Variants in STK33 observed in about 807,000 individuals in gnomAD.
STK33 encodes the protein serine/threonine kinase 33, also known as serine/threonine-protein kinase 33.
In STK33, 52 loss-of-function variants were observed where a neutral mutation model predicts 58.0. That is an observed-to-expected ratio of 0.90 (90% CI 0.72 to 1.13). The LOEUF is 1.13. STK33 is among the 50% of genes most tolerant of loss of function. The pLI, the probability that STK33 is intolerant of heterozygous loss-of-function variation, is 0.00. For synonymous variants in STK33, 215 were observed against 200.1 expected (o/e 1.07, Z -0.63); for missense variants, 630 against 604.2 (o/e 1.04, Z -0.45).
At chr11:8,523,399 C>T (rs957283013) in intron 1 of STK33, among the ~76,000 whole-genome samples, 3 of 151,852 alleles carry the variant, frequency 2.0e-5, no homozygotes, top group African/African-American at 4.8e-5. Flanking sequence ...CGCCTCTGCC[C>T]AGCCGCAACC....
At chr11:8,415,878 A>G (rs985796606) in intron 14 of STK33, among the ~76,000 whole-genome samples, 8 of 152,118 alleles carry the variant, frequency 5.3e-5, no homozygotes, top group Non-Finnish European at 8.8e-5. Flanking sequence ...CTTAAACAGC[A>G]TTAGTCCCCC....
chr11:8,392,602 T>C lies in STK33; in HGVS notation c.1453A>G (p.Met485Val), dbSNP rs767237145. Residue 485 changes from methionine to valine, a missense_variant, in exon 16 of 16, where the codon ATG (methionine) becomes GTG (valine). Met to Val is a conservative substitution (Grantham distance 21, BLOSUM62 1). Coordinates refer to ENST00000687296, the MANE Select transcript of STK33 (RefSeq NM_001352389.2). ...KLLPAEIKGE[M>V]EKTPVTPSQG... ...CTTGGAGTCACAGGGGTTTTCTCCA[T>C]TTCTCCCTTGATTTCAGCTGGAAGG... The C allele has an allele frequency of 1.2e-6, 2 of 1,614,108 alleles. No homozygotes were observed. Among genetic ancestry groups the C allele is most frequent in the East Asian group, 2.2e-5 (1 of 44,902 alleles).
chr11:8,464,452 TA>T (rs1425285230), intron 7 of STK33, among the ~76,000 whole-genome samples: 1 of 152,204 alleles, frequency 6.6e-6, no homozygotes, highest in Non-Finnish European at 1.5e-5. Context: ...CAAACTCTGG[TA>T]AAATTTACCT....
rs146788246 is a variant in STK33, at chr11:8,421,820, C to A, written c.1147-8128G>T. On this transcript the variant is annotated intron_variant, in intron 14 of 15. Transcript: ENST00000687296. Reference sequence around the variant, plus strand: ...TGTTTATTACTAGATGTTTTATATTCTTTGCTACTATTTTACATGATGTCT... The same window carrying A: ...TGTTTATTACTAGATGTTTTATATTATTTGCTACTATTTTACATGATGTCT... Among the ~76,000 whole-genome samples the A allele has an allele frequency of 3.8e-4, 58 of 152,022 alleles. 3 individuals are homozygous for A. The East Asian group carries it at 0.011, about 28-fold the overall frequency.
chr11:8,447,517 C>A (rs1386533695), intron 11 of STK33, among the ~76,000 whole-genome samples: 2 of 152,168 alleles, frequency 1.3e-5, no homozygotes, highest in Non-Finnish European at 2.9e-5. Context: ...AGCATATAAA[C>A]AGAACCAACG....
chr11:8,500,660 C>T (rs1307781624), intron 1 of STK33, among the ~76,000 whole-genome samples: 1 of 152,082 alleles, frequency 6.6e-6, no homozygotes, highest in Non-Finnish European at 1.5e-5. Context: ...TTCCATCTAC[C>T]TATTTGTAGA....
At chr11:8,552,727 T>A (rs1956387517) in intron 1 of STK33, among the ~76,000 whole-genome samples, 1 of 152,100 alleles carries the variant, frequency 6.6e-6, no homozygotes, top group African/African-American at 2.4e-5. Context: ...TCAGGGGCAA[T>A]AACAAGCACG....
chr11:8,490,670 G>A (rs1253854704), intron 1 of STK33, among the ~76,000 whole-genome samples: 1 of 152,116 alleles, frequency 6.6e-6, no homozygotes, highest in Admixed American at 6.6e-5. Context: ...CCAGTAGGGG[G>A]CTGATTGACA....
chr11:8,455,607 G>C (rs968913761), intron 9 of STK33, among the ~76,000 whole-genome samples: 4 of 151,872 alleles, frequency 2.6e-5, no homozygotes, highest in Non-Finnish European at 5.9e-5. Flanking sequence ...AGGAGATCAA[G>C]ACCATCCTGG....
At chr11:8,418,851 T>C (rs1446462972) in intron 14 of STK33, among the ~76,000 whole-genome samples, 1 of 152,182 alleles carries the variant, frequency 6.6e-6, no homozygotes, top group Admixed American at 6.5e-5. Context: ...TCAGTGATCT[T>C]GAGCTTTTTT....
chr11:8,539,457 A>C (rs1955329782), intron 1 of STK33, among the ~76,000 whole-genome samples: 1 of 152,162 alleles, frequency 6.6e-6, no homozygotes, highest in Admixed American at 6.5e-5. Context: ...GGCCAATATG[A>C]AGATGAAATA....
intron 9 of STK33, among the ~76,000 whole-genome samples, chr11:8,456,172 T>C (rs1270878233): frequency 6.6e-6 from 1 of 152,222 alleles, no homozygotes; most frequent in Non-Finnish European, 1.5e-5. Context: ...TATAGCTTAA[T>C]AGGGAAGGAC....
intron 1 of STK33, among the ~76,000 whole-genome samples, chr11:8,553,203 A>ATATATATATATATATATGGTG (rs1956467057): frequency 5.5e-5 from 4 of 72,928 alleles, no homozygotes; most frequent in Admixed American, 1.5e-4. Flanking sequence ...TATATGGTGT[A>ATATATATATATATATATGGTG]TATATATATA....
At chr11:8,457,629 AC>A (rs202080526) in intron 8 of STK33, 150 bp from the exon 9 acceptor site, 7,298 of 658,278 alleles carry the variant, frequency 0.011, 75 homozygotes, top group Admixed American at 0.012. Flanking sequence ...CATACTGGAT[AC>A]TAGAGAAACA....
At chr11:8,571,035 A>G (rs1565390780) in intron 1 of STK33, among the ~76,000 whole-genome samples, 1 of 152,124 alleles carries the variant, frequency 6.6e-6, no homozygotes, top group Non-Finnish European at 1.5e-5. Context: ...AAGACACAGC[A>G]CTGTAATACC....
In STK33 at chr11:8,464,702, GCCTTA is replaced by G; in HGVS notation, c.453+2_453+6del. 6.2e-7 allele frequency: 1 copy of G among 1,602,468 alleles called. No homozygotes were observed. The highest frequency in any genetic ancestry group is 8.5e-7 in the Non-Finnish European group (1 of 1,169,822). On this transcript the variant is annotated splice_donor_variant and splice_donor_5th_base_variant and intron_variant, in intron 7 of 15. Transcript: ENST00000687296. LOFTEE classifies it high-confidence loss of function. ...GCCCTCAGTAGGATGCTGCTAATGA[GCCTTA>G]CCTTTTCTTTGTTCACTTTTTTAAT...
intron 1 of STK33, among the ~76,000 whole-genome samples, chr11:8,512,720 C>T (rs77012307): frequency 0.025 from 3,854 of 152,208 alleles, 111 homozygotes; most frequent in South Asian, 0.079. Context: ...ACTGTGCTGA[C>T]TCAGATTTCT....
At chr11:8,536,866 T>A (rs1210921165) in intron 1 of STK33, among the ~76,000 whole-genome samples, 1 of 145,896 alleles carries the variant, frequency 6.9e-6, no homozygotes, top group Admixed American at 6.8e-5. Flanking sequence ...ACTGCAACCT[T>A]GAGCTCCTGG....
chr11:8,442,498 C>T (rs1944887673), intron 11 of STK33, among the ~76,000 whole-genome samples: 1 of 152,170 alleles, frequency 6.6e-6, no homozygotes, highest in East Asian at 1.9e-4. Context: ...GATGCAGAGG[C>T]CAGAGTAACT....
Sources: gnomAD v4.1 joint callset for allele counts (sites outside exome capture counted in the v4.1 genomes callset) on GRCh38, gnomAD v4.1.1 for gene constraint, MANE v1.5 for transcripts, NCBI Gene and HGNC (gene_info 2026-07-23, HGNC 2026-07-21) for gene names.